SLC8A1: variants seen among roughly 807,000 people sequenced by gnomAD.
SLC8A1 encodes sodium/calcium exchanger 1.
SLC8A1 carries 18 observed loss-of-function variants against 68.3 expected under a neutral mutation model. The ratio of observed to expected loss-of-function variants is 0.26; its 90% CI spans 0.18 to 0.39. The LOEUF is 0.39. Among genes scored for constraint, SLC8A1 ranks in the 10% least tolerant of loss-of-function variants. The pLI is 1.00. For synonymous variants in SLC8A1, 475 were observed against 415.5 expected, an observed-to-expected ratio of 1.14 and a Z score of -1.74; for missense variants, 985 against 1,156.7, an observed-to-expected ratio of 0.85 and a Z score of 2.15.
intron 1 of SLC8A1, among the ~76,000 whole-genome samples, chr2:40,464,052 G>C (rs1197908453): frequency 1.3e-5 from 2 of 151,860 alleles, no homozygotes; most frequent in Non-Finnish European, 2.9e-5. Flanking sequence ...ATGCCACCAC[G>C]CCAGGCTAGT....
intron 2 of SLC8A1, among the ~76,000 whole-genome samples, chr2:40,374,383 AAAAC>A (rs781436730): frequency 7.4e-4 from 113 of 152,006 alleles, no homozygotes; most frequent in Non-Finnish European, 1.4e-3. Flanking sequence ...AACAAAAACA[AAAAC>A]AAAATTTAAA....
chr2:40,218,219 C>T (rs2057784116), intron 2 of SLC8A1, among the ~76,000 whole-genome samples: 1 of 152,296 alleles, frequency 6.6e-6, no homozygotes, highest in East Asian at 1.9e-4. Context: ...ATTAAGGGCA[C>T]CTGAACTGCT....
At chr2:40,331,857 T>A (rs944035066) in intron 2 of SLC8A1, among the ~76,000 whole-genome samples, 1 of 152,148 alleles carries the variant, frequency 6.6e-6, no homozygotes, top group Non-Finnish European at 1.5e-5. Flanking sequence ...CCTCCCAAAG[T>A]GCTGGGATTA....
intron 7 of SLC8A1, among the ~76,000 whole-genome samples, chr2:40,138,815 T>G (rs1166546076): frequency 6.6e-6 from 1 of 152,194 alleles, no homozygotes; most frequent in Non-Finnish European, 1.5e-5. Flanking sequence ...AAAATTCAGC[T>G]TGTAAGGAAT....
At chr2:40,294,425 T>C (rs1018266082) in intron 2 of SLC8A1, among the ~76,000 whole-genome samples, 2 of 152,158 alleles carry the variant, frequency 1.3e-5, no homozygotes, top group African/African-American at 4.8e-5. Flanking sequence ...CAGAGGTATT[T>C]AGTGGCTAAG....
chr2:40,415,221 G>A (rs2149715860), intron 2 of SLC8A1, among the ~76,000 whole-genome samples: 1 of 152,280 alleles, frequency 6.6e-6, no homozygotes, highest in African/African-American at 2.4e-5. Context: ...TGGAGAGGTG[G>A]TGATGTTGCT....
intron 2 of SLC8A1, among the ~76,000 whole-genome samples, chr2:40,238,268 G>C (rs1162687314): frequency 6.6e-6 from 1 of 152,218 alleles, no homozygotes; most frequent in Non-Finnish European, 1.5e-5. Context: ...CTCCGTGGGC[G>C]TAGGACCCTC....
intron 2 of SLC8A1, among the ~76,000 whole-genome samples, chr2:40,294,163 G>C (rs1305151290): frequency 6.6e-6 from 1 of 152,160 alleles, no homozygotes; most frequent in African/African-American, 2.4e-5. Flanking sequence ...CTACTTCTAA[G>C]AGTTTATCTT....
intron 5 of SLC8A1, among the ~76,000 whole-genome samples, chr2:40,162,461 A>G (rs2045850183): frequency 6.6e-6 from 1 of 152,244 alleles, no homozygotes; most frequent in Admixed American, 6.5e-5. Context: ...AATTGAACAG[A>G]TAAACTTCTC....
intron 2 of SLC8A1, among the ~76,000 whole-genome samples, chr2:40,393,229 T>A (rs570682547): frequency 6.6e-6 from 1 of 152,198 alleles, no homozygotes; most frequent in African/African-American, 2.4e-5. Context: ...GAAAGTACAA[T>A]GATTAGAACA....
chr2:40,476,507 G>C (rs1044136399), intron 1 of SLC8A1, among the ~76,000 whole-genome samples: 4 of 152,204 alleles, frequency 2.6e-5, no homozygotes, highest in African/African-American at 7.2e-5. Flanking sequence ...CTGAGAGGAT[G>C]TTTAGGTAAG....
rs187222231 is a variant in SLC8A1 at position 40,185,507 on chromosome 2, G to A, written c.1809-7652C>T. Among the ~76,000 whole-genome samples the A allele has an allele frequency of 8.8e-3, 1,334 of 152,276 alleles. 7 individuals carry two copies. The highest frequency in any genetic ancestry group is 0.014 in the Non-Finnish European group (947 of 68,028). On this transcript the variant is annotated intron_variant, in intron 2 of 7. Coordinates refer to ENST00000406785, the Ensembl canonical transcript of SLC8A1. ...CCAGACACAAATGGCTACATGTTGTGTGATTACATGTTATAGGAAAAGTCC... is the reference window on the plus strand; with the variant it reads ...CCAGACACAAATGGCTACATGTTGTATGATTACATGTTATAGGAAAAGTCC...
At chr2:40,329,823 C>T (rs1274029638) in intron 2 of SLC8A1, among the ~76,000 whole-genome samples, 4 of 152,110 alleles carry the variant, frequency 2.6e-5, no homozygotes, top group African/African-American at 9.7e-5. Flanking sequence ...GACTGGAGTC[C>T]TGGCACGCTG....
intron 2 of SLC8A1, among the ~76,000 whole-genome samples, chr2:40,226,237 T>C (rs895633389): frequency 2.6e-5 from 4 of 152,112 alleles, no homozygotes; most frequent in Admixed American, 6.5e-5. Flanking sequence ...GCAATGTAAT[T>C]ACTCAAACTT....
chr2:40,397,549 A>C (rs1687380262), intron 2 of SLC8A1, among the ~76,000 whole-genome samples: 1 of 152,164 alleles, frequency 6.6e-6, no homozygotes, highest in Non-Finnish European at 1.5e-5. Context: ...GAAAGTTTTC[A>C]TGTTATCATT....
At chr2:40,206,257 T>C (rs1373517291) in intron 2 of SLC8A1, among the ~76,000 whole-genome samples, 1 of 152,048 alleles carries the variant, frequency 6.6e-6, no homozygotes, top group Non-Finnish European at 1.5e-5. Flanking sequence ...TTATTGAATT[T>C]TAGTCTTAAA....
chr2:40,220,857 G>C (rs2058225844), intron 2 of SLC8A1, among the ~76,000 whole-genome samples: 1 of 151,600 alleles, frequency 6.6e-6, no homozygotes, highest in Non-Finnish European at 1.5e-5. Context: ...CTTCTTAATA[G>C]TTGAATTTTT....
At chr2:40,253,757 G>A (rs542515104) in intron 2 of SLC8A1, among the ~76,000 whole-genome samples, 1 of 148,992 alleles carries the variant, frequency 6.7e-6, no homozygotes, top group South Asian at 2.1e-4. Flanking sequence ...AACCCAGGAG[G>A]TGGAGGTTGC....
At chr2:40,374,646 G>C (rs543165961) in intron 2 of SLC8A1, among the ~76,000 whole-genome samples, 12 of 151,962 alleles carry the variant, frequency 7.9e-5, no homozygotes, top group Non-Finnish European at 1.5e-4. Context: ...GTGAACCAAG[G>C]TGATGGTGGC....
Sources: gnomAD v4.1 joint callset for allele counts (sites outside exome capture counted in the v4.1 genomes callset) on GRCh38, gnomAD v4.1.1 for gene constraint, MANE v1.5 for transcripts, NCBI Gene and HGNC (gene_info 2026-07-23, HGNC 2026-07-21) for gene names.